Variants in FKBP14 observed in about 807,000 individuals in gnomAD.
FKBP14 encodes the protein FKBP prolyl isomerase 14, also known as peptidyl-prolyl cis-trans isomerase FKBP14.
A neutral mutation model predicts 21.6 loss-of-function variants in FKBP14; 20 were observed. That is an observed-to-expected ratio of 0.92 (90% confidence interval 0.65 to 1.34). The LOEUF (loss-of-function observed/expected upper bound fraction) is 1.34, where lower values mean the gene tolerates loss of function less well. FKBP14 is among the 40% of genes most tolerant of loss of function. FKBP14 has a pLI of 0.00. For synonymous variants in FKBP14, 79 were observed against 86.7 expected (o/e 0.91, Z 0.49); for missense variants, 253 against 249.0 (o/e 1.02, Z -0.11).
intron 1 of FKBP14, among the ~76,000 whole-genome samples, chr7:30,024,396 T>C (rs771387025): frequency 1.2e-4 from 18 of 152,138 alleles, no homozygotes; most frequent in Non-Finnish European, 2.1e-4. Flanking sequence ...AAACTGATCA[T>C]TTGATGGTAT....
rs576519754 is a variant in FKBP14 at position 30,022,441 on chromosome 7, T to G, written c.349+224A>C. ...TATTTGTGAACAGTATTAATAGACC[T>G]CAATGTTCTTTTTTTATTGTTAGCA... On this transcript the variant is annotated intron_variant, in intron 2 of 3. Coordinates refer to ENST00000222803, the MANE Select transcript of FKBP14 (RefSeq NM_017946.4). 1.2e-5 allele frequency: 5 copies of G among 428,142 alleles called. No individual in the cohort carries two copies. In the East Asian group the frequency reaches 1.9e-4, roughly 16 times the overall value. 26.5% of individuals were successfully genotyped at this position (428,142 alleles called of 1,614,324 possible). A position where few individuals can be genotyped will look rare whatever the true frequency, so the allele number is the denominator to read the frequency against.
intron 1 of FKBP14, among the ~76,000 whole-genome samples, chr7:30,023,394 G>C (rs1042168973): frequency 6.6e-6 from 1 of 152,228 alleles, no homozygotes; most frequent in Admixed American, 6.5e-5. Context: ...GATATGAAGA[G>C]TGAGAAGCAC....
intron 2 of FKBP14, among the ~76,000 whole-genome samples, chr7:30,022,217 C>G (rs144594814): frequency 6.6e-6 from 1 of 152,128 alleles, no homozygotes; most frequent in Admixed American, 6.5e-5. Context: ...CAAACACTTA[C>G]GTTAATGGAT....
chr7:30,020,678 A>C (rs1790007722), intron 2 of FKBP14, among the ~76,000 whole-genome samples: 1 of 152,222 alleles, frequency 6.6e-6, no homozygotes, highest in Admixed American at 6.5e-5. Context: ...CTCATTCTCA[A>C]AATACCTTAA....
intron 3 of FKBP14, among the ~76,000 whole-genome samples, chr7:30,015,877 G>A (rs1016612858): frequency 1.8e-4 from 28 of 151,750 alleles, no homozygotes; most frequent in African/African-American, 6.3e-4. Context: ...TGCCCGCCTC[G>A]GCCTCCCAAA....
intron 3 of FKBP14, among the ~76,000 whole-genome samples, chr7:30,017,502 G>C (rs936321594): frequency 1.3e-5 from 2 of 151,924 alleles, no homozygotes; most frequent in African/African-American, 2.4e-5. Flanking sequence ...CCGGGACACA[G>C]AGGCTGCAGT....
At chr7:30,021,898 G>T (rs1334391537) in intron 2 of FKBP14, among the ~76,000 whole-genome samples, 1 of 152,146 alleles carries the variant, frequency 6.6e-6, no homozygotes, top group Admixed American at 6.5e-5. Flanking sequence ...TTGGAAAGTT[G>T]CAGGGGTTCT....
Position 30,026,304 on chromosome 7 carries a change from T to C in FKBP14, c.197+8A>G. Reference sequence around the variant, plus strand: ...TTACTATTTTACCTGCGGGGCATAATTACTTACGTGGAGTGAAATAAGGAG... The same window carrying C: ...TTACTATTTTACCTGCGGGGCATAACTACTTACGTGGAGTGAAATAAGGAG... On this transcript the variant is annotated splice_region_variant and intron_variant, in intron 1 of 3. Coordinates refer to ENST00000222803, the MANE Select transcript of FKBP14 (RefSeq NM_017946.4). 6.3e-7 allele frequency: 1 copy of C among 1,593,920 alleles called. No homozygotes were observed. The highest frequency in any genetic ancestry group is 8.6e-7 in the Non-Finnish European group (1 of 1,167,846).
intron 1 of FKBP14, among the ~76,000 whole-genome samples, chr7:30,023,943 C>T (rs1343693055): frequency 6.6e-6 from 1 of 152,080 alleles, no homozygotes; most frequent in Non-Finnish European, 1.5e-5. Flanking sequence ...CATAGCGGAA[C>T]CCTATCAACT....
rs1789836026 is a variant in FKBP14, at chr7:30,014,792, T to A, written c.579A>T (p.Glu193Asp). 3 of 1,611,656 alleles carry A rather than the reference T, an allele frequency of 1.9e-6. No individual in the cohort carries two copies. The highest frequency in any genetic ancestry group is 2.5e-6 in the Non-Finnish European group (3 of 1,179,200). The change falls in exon 4 of 4, where the codon GAA becomes GAT. Residue 193 changes from glutamate (E) to aspartate (D), a missense_variant. Physicochemically the swap from Glu to Asp is conservative, Grantham distance 45. Transcript: ENST00000222803. ...LVEDIFDKED[E>D]DKDGFISARE... ...TGGCAGATATAAACCCATCTTTGTC[T>A]TCATCTTCTTTATCAAAAATATCCT... is the stretch of plus-strand genomic sequence containing the variant.
chr7:30,018,803 G>C (rs1789957041), intron 3 of FKBP14, among the ~76,000 whole-genome samples, 193 bp downstream of exon 3: 1 of 152,112 alleles, frequency 6.6e-6, no homozygotes, highest in Non-Finnish European at 1.5e-5. Context: ...CCAAAACAGT[G>C]ATTCACTATG....
chr7:30,018,891 A>G, intron 3 of FKBP14, 105 bp downstream of exon 3: 1 of 1,140,488 alleles, frequency 8.8e-7, no homozygotes. Flanking sequence ...TAGATTTGAA[A>G]TATACACATA....
chr7:30,026,250 A>C, intron 1 of FKBP14, 62 bp downstream of exon 1: 3 of 1,456,858 alleles, frequency 2.1e-6, no homozygotes, highest in Non-Finnish European at 2.8e-6. Context: ...TTCCTGCTGG[A>C]GAGCTGGCAT....
intron 3 of FKBP14, among the ~76,000 whole-genome samples, chr7:30,017,053 A>AG (rs1491583558): frequency 6.6e-6 from 1 of 152,178 alleles, no homozygotes; most frequent in Non-Finnish European, 1.5e-5. Flanking sequence ...TGTGTAAGAA[A>AG]GGGGGAAATA....
At chr7:30,019,657 TA>T (rs2127948494) in intron 2 of FKBP14, among the ~76,000 whole-genome samples, 1 of 152,252 alleles carries the variant, frequency 6.6e-6, no homozygotes, top group South Asian at 2.1e-4. Context: ...TGCCCATCTC[TA>T]AGCCTCAATT....
At chr7:30,020,338 ATTAG>A (rs1789999061) in intron 2 of FKBP14, 1 of 1,168,416 alleles carries the variant, frequency 8.6e-7, no homozygotes, top group South Asian at 1.4e-5. Context: ...GATTAGAAAA[ATTAG>A]TTTCATGGCA....
chr7:30,017,535 A>G (rs1298771977), intron 3 of FKBP14, among the ~76,000 whole-genome samples: 1 of 151,544 alleles, frequency 6.6e-6, no homozygotes, highest in Non-Finnish European at 1.5e-5. Context: ...CACCACTGCA[A>G]TCCAGCCTGG....
chr7:30,009,825 A>C (rs13225233), downstream of FKBP14, among the ~76,000 whole-genome samples: 2 of 145,598 alleles, frequency 1.4e-5, no homozygotes, highest in Admixed American at 6.8e-5. Flanking sequence ...CCCTGTCTCT[A>C]CTAAAAAAAA....
rs1351538653 is a variant in FKBP14, at chr7:30,010,921, A to G, written c.*3814T>C. ...GAAAATATTTTTGTACAGCTATGCA[A>G]TGTGTGTTTTAAGCTACGTTATTAC... On this transcript the variant is annotated 3_prime_UTR_variant, in exon 4 of 4. Coordinates refer to ENST00000222803, the MANE Select transcript of FKBP14 (RefSeq NM_017946.4). 6.6e-6 allele frequency: 1 copy of G among 152,216 alleles called. No individual in the cohort carries two copies. Among genetic ancestry groups the G allele is most frequent in the Non-Finnish European group, 1.5e-5 (1 of 68,050 alleles). The allele number at this position is 152,216 out of a possible 1,614,324, so 9.4% of individuals were successfully genotyped here.
Sources: allele counts gnomAD v4.1 joint callset (sites outside exome capture counted in the v4.1 genomes callset), GRCh38; gene constraint gnomAD v4.1.1; transcripts MANE v1.5; gene names NCBI Gene and HGNC (gene_info 2026-07-23, HGNC 2026-07-21).